MBD5: variants seen among roughly 807,000 people sequenced by gnomAD.
The protein encoded by MBD5 is methyl-CpG-binding domain protein 5.
MBD5 carries 13 observed loss-of-function variants against 117.3 expected under a neutral mutation model. That is an observed-to-expected ratio of 0.11 (90% CI 0.07 to 0.18). The LOEUF (loss-of-function observed/expected upper bound fraction) is 0.18. Ranked by LOEUF, MBD5 falls within the 10% of genes least tolerant of loss-of-function variation. MBD5 has a pLI of 1.00. For missense variants in MBD5, 1,879 were observed against 2,093.8 expected (o/e 0.90, Z 2.00); for synonymous variants, 727 against 766.4 (o/e 0.95, Z 0.85).
intron 3 of MBD5, among the ~76,000 whole-genome samples, chr2:148,279,323 G>A (rs1231180394): frequency 6.6e-6 from 1 of 152,208 alleles, no homozygotes; most frequent in Non-Finnish European, 1.5e-5. Context: ...CTAGATACTA[G>A]GAAGGTCAAG....
chr2:148,050,759 C>A lies in MBD5; in HGVS notation c.-925+29075C>A, dbSNP rs554032480. On this transcript the variant is annotated intron_variant, in intron 1 of 13. Coordinates refer to ENST00000642680, the MANE Select transcript of MBD5 (RefSeq NM_001378120.1). ...AGGCTTTCAGTAATATCCTGTTGGTCTGTACGTCTCTCCTTATATCAATAC... is the reference window on the plus strand; with the variant it reads ...AGGCTTTCAGTAATATCCTGTTGGTATGTACGTCTCTCCTTATATCAATAC... Among the ~76,000 whole-genome samples, 10 of 152,240 alleles carry A rather than the reference C, an allele frequency of 6.6e-5. No individual in the cohort carries two copies. The South Asian group carries it at 1.2e-3, about 19-fold the overall frequency.
intron 2 of MBD5, among the ~76,000 whole-genome samples, chr2:148,220,882 T>C (rs891504984): frequency 6.6e-6 from 1 of 152,140 alleles, no homozygotes; most frequent in Non-Finnish European, 1.5e-5. Context: ...TAATTCATTC[T>C]TTCTAGGAGT....
intron 4 of MBD5, among the ~76,000 whole-genome samples, chr2:148,446,710 C>G (rs1417142520): frequency 6.6e-6 from 1 of 151,232 alleles, no homozygotes; most frequent in South Asian, 2.1e-4. Context: ...ATCAAATAAT[C>G]AGAAGGTTAT....
At chr2:148,402,805 C>T (rs192938393) in intron 4 of MBD5, among the ~76,000 whole-genome samples, 3 of 151,894 alleles carry the variant, frequency 2.0e-5, no homozygotes, top group African/African-American at 7.2e-5. Flanking sequence ...TTGATTATCA[C>T]AAATGGCTAT....
intron 4 of MBD5, among the ~76,000 whole-genome samples, chr2:148,358,881 C>A (rs961118360): frequency 1.3e-5 from 2 of 152,300 alleles, no homozygotes; most frequent in African/African-American, 4.8e-5. Flanking sequence ...ACCTACTCTA[C>A]CAGTGCTTTC....
Position 148,445,967 on chromosome 2 carries a change from C to T in MBD5, c.-556-12236C>T, listed in dbSNP as rs183566506. 4.7e-4 allele frequency among the ~76,000 whole-genome samples: 71 copies of T among 150,446 alleles called. 1 individual carries two copies. The highest frequency in any genetic ancestry group is 5.9e-4 in the East Asian group (3 of 5,110). ...AGCGTCTGTTCATATCCTTCGCCCACGATGGGGTTGTTTGTTTTTTTTTCT... is the reference window on the plus strand; with the variant it reads ...AGCGTCTGTTCATATCCTTCGCCCATGATGGGGTTGTTTGTTTTTTTTTCT... On this transcript the variant is annotated intron_variant, in intron 4 of 13. Transcript: ENST00000642680.
intron 1 of MBD5, among the ~76,000 whole-genome samples, chr2:148,125,394 CTAA>C (rs1286728576): frequency 2.6e-5 from 4 of 152,016 alleles, no homozygotes; most frequent in Admixed American, 2.6e-4. Flanking sequence ...TGCTTACAAG[CTAA>C]ATTACTATTA....
intron 4 of MBD5, among the ~76,000 whole-genome samples, chr2:148,428,808 C>G (rs148830839): frequency 0.014 from 2,058 of 152,246 alleles, 46 homozygotes; most frequent in African/African-American, 0.047. Context: ...AAAACAGAAA[C>G]TGGACCCCTT....
chr2:148,211,615 A>AT (rs553467550), intron 2 of MBD5, among the ~76,000 whole-genome samples: 1,551 of 151,592 alleles, frequency 0.01, 27 homozygotes, highest in Middle Eastern at 0.038. Context: ...CTCTTTTACA[A>AT]TTTTTTTTTC....
intron 1 of MBD5, among the ~76,000 whole-genome samples, chr2:148,085,596 C>T (rs991421199): frequency 3.5e-4 from 52 of 150,578 alleles, no homozygotes; most frequent in Non-Finnish European, 6.5e-4. Flanking sequence ...TAGTGGCGGG[C>T]GCCTGTAGTC....
intron 2 of MBD5, among the ~76,000 whole-genome samples, chr2:148,206,768 A>G (rs377234863): frequency 6.6e-6 from 1 of 152,254 alleles, no homozygotes; most frequent in East Asian, 1.9e-4. Flanking sequence ...AGGTATTTAT[A>G]TTAGACCAGA....
chr2:148,258,585 G>A (rs1402920361), intron 3 of MBD5, among the ~76,000 whole-genome samples: 4 of 152,128 alleles, frequency 2.6e-5, no homozygotes, highest in Non-Finnish European at 5.9e-5. Context: ...ATGTCCTCCT[G>A]GCTACAGCAA....
At chr2:148,334,403 G>A (rs1702735144) in intron 3 of MBD5, among the ~76,000 whole-genome samples, 1 of 151,830 alleles carries the variant, frequency 6.6e-6, no homozygotes, top group Non-Finnish European at 1.5e-5. Context: ...TGCTAACATA[G>A]CTCATTACAA....
chr2:148,066,396 C>T (rs991824212), intron 1 of MBD5, among the ~76,000 whole-genome samples: 1 of 151,888 alleles, frequency 6.6e-6, no homozygotes, highest in Non-Finnish European at 1.5e-5. Flanking sequence ...GATGAAGCCT[C>T]ATTTTTTCTT....
At chr2:148,341,480 A>G (rs1186105482) in intron 3 of MBD5, among the ~76,000 whole-genome samples, 2 of 152,184 alleles carry the variant, frequency 1.3e-5, no homozygotes, top group Non-Finnish European at 2.9e-5. Flanking sequence ...AGTGAGGATT[A>G]AATTAGGTGA....
chr2:148,195,730 C>G lies in MBD5; in HGVS notation c.-831+16937C>G, dbSNP rs188936600. The stretch of plus-strand genomic sequence containing the variant: ...AACAAAACAGAATTAAGTTATAATC[C>G]AATACCAAAAAAGCAGGAAAACCTC... On this transcript the variant is annotated intron_variant, in intron 2 of 13. Coordinates refer to ENST00000642680, the MANE Select transcript of MBD5 (RefSeq NM_001378120.1). 6.6e-5 allele frequency among the ~76,000 whole-genome samples: 10 copies of G among 152,052 alleles called. 1 individual carries two copies. Among genetic ancestry groups the G allele is most frequent in the African/African-American group, 2.4e-4 (10 of 41,466 alleles).
chr2:148,115,579 T>C (rs1696616527), intron 1 of MBD5, among the ~76,000 whole-genome samples: 1 of 152,188 alleles, frequency 6.6e-6, no homozygotes, highest in Admixed American at 6.5e-5. Context: ...TTTTCTTTCA[T>C]TTTTCTTTTG....
intron 1 of MBD5, among the ~76,000 whole-genome samples, chr2:148,100,720 A>T (rs1050350438): frequency 6.6e-6 from 1 of 152,238 alleles, no homozygotes; most frequent in Admixed American, 6.5e-5. Flanking sequence ...ATCAGATCCC[A>T]AGAACAAATA....
chr2:148,199,745 G>A (rs1699089186), intron 2 of MBD5, among the ~76,000 whole-genome samples: 1 of 151,596 alleles, frequency 6.6e-6, no homozygotes, highest in African/African-American at 2.4e-5. Context: ...GGGTGACAGA[G>A]TAAGACCCTG....
Sources: gnomAD v4.1 joint callset for allele counts (sites outside exome capture counted in the v4.1 genomes callset) on GRCh38, gnomAD v4.1.1 for gene constraint, MANE v1.5 for transcripts, NCBI Gene and HGNC (gene_info 2026-07-23, HGNC 2026-07-21) for gene names.